The following SFSWAP variants were observed in gnomAD, a reference collection of about 807,000 sequenced individuals.
SFSWAP encodes the protein splicing factor SWAP, also known as splicing factor, suppressor of white-apricot homolog.
SFSWAP carries 17 observed loss-of-function variants against 100.7 expected under a neutral mutation model. The observed-to-expected ratio is 0.17, with a 90% confidence interval of 0.12 to 0.25. The LOEUF is 0.25. SFSWAP is among the 10% of genes least tolerant of loss of function. The probability of loss-of-function intolerance (pLI) is 1.00; values close to 1 mark genes in which losing one functional copy is unlikely to be tolerated. For missense variants in SFSWAP, 1,005 were observed against 1,262.6 expected, an observed-to-expected ratio of 0.80 and a Z score of 3.09; for synonymous variants, 504 against 510.1, an observed-to-expected ratio of 0.99 and a Z score of 0.16.
At chr12:131,788,232 A>G (rs746893249) in intron 15 of SFSWAP, among the ~76,000 whole-genome samples, 4 of 152,230 alleles carry the variant, frequency 2.6e-5, no homozygotes, top group Non-Finnish European at 5.9e-5. Context: ...ATGGCCAGCC[A>G]GCACACTCAG....
At chr12:131,750,951 G>C (rs1007724549) in intron 7 of SFSWAP, among the ~76,000 whole-genome samples, 1 of 152,198 alleles carries the variant, frequency 6.6e-6, no homozygotes, top group African/African-American at 2.4e-5. Flanking sequence ...TGGGATTATA[G>C]GTGTGACCCA....
In SFSWAP at chr12:131,711,186, G is replaced by A. The variant is rs1014863145; in HGVS notation, c.-44G>A. 6 of 1,480,588 alleles carry A rather than the reference G, an allele frequency of 4.1e-6. No individual in the cohort carries two copies. The highest frequency in any genetic ancestry group is 5.4e-6 in the Non-Finnish European group (6 of 1,105,020). 91.7% of individuals were successfully genotyped at this position (1,480,588 alleles called of 1,614,324 possible). A position where few individuals can be genotyped will look rare whatever the true frequency, so the allele number is the denominator to read the frequency against. On this transcript the variant is annotated 5_prime_UTR_variant, in exon 1 of 18. Coordinates refer to ENST00000261674, the MANE Select transcript of SFSWAP (RefSeq NM_004592.4). The surrounding 1 kb of genome is among the most constrained non-coding windows in gnomAD (Gnocchi z 4.9). ...GCCAAGTGGAGGTATCAGGGACGTC[G>A]CGCGGCACAGAAGAGGACCAGCCTG...
chr12:131,756,408 C>T, intron 10 of SFSWAP, 65 bp from the exon 11 acceptor site: 1 of 1,450,014 alleles, frequency 6.9e-7, no homozygotes, highest in Non-Finnish European at 9.6e-7. Flanking sequence ...CCGTATACAT[C>T]TCTCTTTTTT....
intron 7 of SFSWAP, among the ~76,000 whole-genome samples, chr12:131,743,379 A>G (rs1880833857): frequency 1.3e-5 from 2 of 152,230 alleles, no homozygotes; most frequent in Non-Finnish European, 2.9e-5. Context: ...GCATTGGGTA[A>G]ATACAACCGT....
At chr12:131,777,970 G>C (rs1327406830) in intron 13 of SFSWAP, 95 bp from the exon 14 acceptor site, 1 of 1,518,902 alleles carries the variant, frequency 6.6e-7, no homozygotes, top group Admixed American at 2.3e-5. Context: ...TGCTGTGTTT[G>C]TTGGTGTGAG....
In SFSWAP at chr12:131,756,560, G is replaced by T; in HGVS notation, c.1636G>T (p.Ala546Ser). 6.2e-7 allele frequency: 1 copy of T among 1,614,042 alleles called. No individual in the cohort carries two copies. Among genetic ancestry groups the T allele is most frequent in the Non-Finnish European group, 8.5e-7 (1 of 1,179,998 alleles). Reference protein sequence around the residue: ...AGEDGAPEDAAEVGARAGSGG... With the variant: ...AGEDGAPEDASEVGARAGSGG... ...GGAGGATGGCGCGCCTGAAGACGCAGCCGAGGTGGGAGCACGGGCAGGCTC... is the reference window on the plus strand; with the variant it reads ...GGAGGATGGCGCGCCTGAAGACGCATCCGAGGTGGGAGCACGGGCAGGCTC... Residue 546 changes from alanine (A) to serine (S), a missense_variant, in exon 11 of 18, where the codon GCC becomes TCC. This residue lies in a region of SFSWAP where 311 missense variants were observed against 317.8 expected (regional missense o/e 0.98). Transcript: ENST00000261674.
At chr12:131,761,310 A>G (rs1293354001) in intron 11 of SFSWAP, among the ~76,000 whole-genome samples, 1 of 152,234 alleles carries the variant, frequency 6.6e-6, no homozygotes, top group Non-Finnish European at 1.5e-5. Context: ...CCTATTTGCT[A>G]TGGAAGATGG....
intron 7 of SFSWAP, among the ~76,000 whole-genome samples, chr12:131,746,891 T>TC (rs769905248): frequency 6.6e-5 from 10 of 151,994 alleles, no homozygotes; most frequent in Non-Finnish European, 1.3e-4. Context: ...GATCATGAGG[T>TC]CAGGAGATCG....
chr12:131,746,993 A>G (rs1204088574), intron 7 of SFSWAP, among the ~76,000 whole-genome samples: 3 of 151,298 alleles, frequency 2.0e-5, no homozygotes, highest in African/African-American at 4.9e-5. Flanking sequence ...AGTCCCAGCT[A>G]CTCGGGAGGC....
rs1884212769 is a variant in SFSWAP at position 131,778,588 on chromosome 12, G to A, written c.2408+258G>A. Among the ~76,000 whole-genome samples the A allele has an allele frequency of 6.6e-6, 1 of 152,080 alleles. No individual in the cohort carries two copies. Among genetic ancestry groups the A allele is most frequent in the South Asian group, 2.1e-4 (1 of 4,810 alleles). On this transcript the variant is annotated intron_variant, in intron 14 of 17. Coordinates refer to ENST00000261674, the MANE Select transcript of SFSWAP (RefSeq NM_004592.4). This position sits in a 1 kb window ranked among gnomAD's most constrained non-coding sequence, Gnocchi z 4.2. ...GCTAGAGTGCAGTGGTGCGATCTTGGCTCACTGCAACCTCCGCTTCCCAGG... is the reference window on the plus strand; with the variant it reads ...GCTAGAGTGCAGTGGTGCGATCTTGACTCACTGCAACCTCCGCTTCCCAGG...
intron 7 of SFSWAP, among the ~76,000 whole-genome samples, chr12:131,740,128 G>A (rs1880462017): frequency 6.6e-6 from 1 of 152,128 alleles, no homozygotes; most frequent in Non-Finnish European, 1.5e-5. Flanking sequence ...CCACTGCAGG[G>A]TGGCCCGGGG....
At chr12:131,752,984 A>T (rs1237330242) in intron 7 of SFSWAP, 139 bp from the exon 8 acceptor site, 2 of 1,314,972 alleles carry the variant, frequency 1.5e-6, no homozygotes, top group Non-Finnish European at 2.1e-6. Context: ...TATCAGAAAA[A>T]TCTAGAAAAC....
At chr12:131,792,700 C>T (rs1885355487) in intron 15 of SFSWAP, among the ~76,000 whole-genome samples, 1 of 152,214 alleles carries the variant, frequency 6.6e-6, no homozygotes, top group Admixed American at 6.5e-5. Flanking sequence ...GTTCACAGAC[C>T]AGGACTCTCA....
In SFSWAP at chr12:131,764,460, C is replaced by T. The variant is rs756064989; in HGVS notation, c.1725C>T (p.Ser575=). 1.9e-6 allele frequency: 3 copies of T among 1,613,386 alleles called. No individual in the cohort carries two copies. The African/African-American group carries it at 4.0e-5, about 22-fold the overall frequency. The change falls in exon 12 of 18, where the codon TCC becomes TCT. Residue 575 remains serine (S), a synonymous_variant. Coordinates refer to ENST00000261674, the MANE Select transcript of SFSWAP (RefSeq NM_004592.4). ...TVPDGKLVKA[S]FAPISFAIKA... ...ATTCTCACCTTTCCTCAATAGCTTCCTTTGCTCCAATAAGCTTTGCAATCA... is the reference window on the plus strand; with the variant it reads ...ATTCTCACCTTTCCTCAATAGCTTCTTTTGCTCCAATAAGCTTTGCAATCA...
At chr12:131,740,000 C>A (rs1277804784) in intron 7 of SFSWAP, among the ~76,000 whole-genome samples, 1 of 152,120 alleles carries the variant, frequency 6.6e-6, no homozygotes, top group Non-Finnish European at 1.5e-5. Flanking sequence ...TTCTGCCTGT[C>A]GAAAAATGCC....
At position 131,773,934 on chromosome 12, in the gene SFSWAP, T is replaced by C. The variant is rs1445081753; in HGVS notation, c.2143-4131T>C. On this transcript the variant is annotated intron_variant, in intron 13 of 17. Coordinates refer to ENST00000261674, the MANE Select transcript of SFSWAP (RefSeq NM_004592.4). ...GGCCTTGAGGAGCTTACCAGAATAGTGAGGGCCCACGAGGGCCAAAGACCC... is the reference window on the plus strand; with the variant it reads ...GGCCTTGAGGAGCTTACCAGAATAGCGAGGGCCCACGAGGGCCAAAGACCC... Among the ~76,000 whole-genome samples the C allele has an allele frequency of 2.0e-5, 3 of 151,896 alleles. No homozygotes were observed. The East Asian group carries it at 5.8e-4, about 29-fold the overall frequency.
In SFSWAP at chr12:131,711,465, C is replaced by T. The variant is rs1317677739; in HGVS notation, c.218+18C>T. On this transcript the variant is annotated intron_variant, in intron 1 of 17. Transcript: ENST00000261674. The surrounding 1 kb of genome is among the most constrained non-coding windows in gnomAD (Gnocchi z 4.9). Reference sequence around the variant, plus strand: ...ATCGACAGGTCGGTTCCTCTCCCCACCCGTCGATCCTTCCCTTCCCTCACC... The same window carrying T: ...ATCGACAGGTCGGTTCCTCTCCCCATCCGTCGATCCTTCCCTTCCCTCACC... 12 of 1,584,118 alleles carry T rather than the reference C, an allele frequency of 7.6e-6. No individual in the cohort carries two copies. The South Asian group carries it at 1.1e-4, about 15-fold the overall frequency.
chr12:131,777,937 G>A, intron 13 of SFSWAP, 128 bp from the exon 14 acceptor site: 1 of 1,445,320 alleles, frequency 6.9e-7, no homozygotes, highest in African/African-American at 1.4e-5. Flanking sequence ...ATAGCCACAG[G>A]AGGAGACTTT....
chr12:131,764,641 G>T lies in SFSWAP; in HGVS notation c.1906G>T (p.Glu636Ter). Residue 636 changes from glutamate (E) to a stop codon, truncating the protein, a stop_gained, in exon 12 of 18, where the codon GAG (glutamate) becomes TAG (stop). Transcript: ENST00000261674. LOFTEE classifies it high-confidence loss of function. ...AVAPPCVVVE[E>*]KKPQLTQEEL... ...TGCCCCACCCTGTGTAGTTGTTGAG[G>T]AGAAGAAGCCTCAACTTACCCAGGA... The T allele has an allele frequency of 6.2e-7, 1 of 1,614,192 alleles. No homozygotes were observed. The highest frequency in any genetic ancestry group is 8.5e-7 in the Non-Finnish European group (1 of 1,180,024).
Sources: gnomAD v4.1 joint callset for allele counts (sites outside exome capture counted in the v4.1 genomes callset) on GRCh38, gnomAD v4.1.1 for gene constraint, gnomAD v4.1.1 regional missense constraint, Gnocchi (gnomAD v3.1) non-coding constraint, MANE v1.5 for transcripts, NCBI Gene and HGNC (gene_info 2026-07-23, HGNC 2026-07-21) for gene names.